Variants in SUGCT observed in about 807,000 individuals in gnomAD.
SUGCT encodes succinyl-CoA:glutarate-CoA transferase, also known as succinyl-CoA:glutarate CoA-transferase.
Under a neutral mutation model 55.0 loss-of-function variants are expected in SUGCT, and 41 were observed. The ratio of observed to expected loss-of-function variants is 0.74; its 90% CI spans 0.58 to 0.97. SUGCT has a LOEUF of 0.97. SUGCT is among the 50% of genes least tolerant of loss of function. The pLI is 0.00. For missense variants in SUGCT, 568 were observed against 547.8 expected (o/e 1.04, Z -0.37); for synonymous variants, 187 against 200.4 (o/e 0.93, Z 0.56).
intron 1 of SUGCT, among the ~76,000 whole-genome samples, chr7:40,156,610 T>C (rs1428556542): frequency 3.3e-5 from 5 of 152,100 alleles, no homozygotes; most frequent in African/African-American, 1.2e-4. Flanking sequence ...CTCCTACCCC[T>C]TCACCACCTC....
intron 12 of SUGCT, among the ~76,000 whole-genome samples, chr7:40,509,011 G>C (rs180975121): frequency 6.6e-6 from 1 of 151,880 alleles, no homozygotes; most frequent in African/African-American, 2.4e-5. Flanking sequence ...AAGTGTGGAC[G>C]TTTTACAGTA....
chr7:40,943,072 A>G, the SUGCT span, among the ~76,000 whole-genome samples: 1 of 151,870 alleles, frequency 6.6e-6, no homozygotes, highest in South Asian at 2.1e-4. Context: ...CAAAGATGTC[A>G]TCTTGGTCTG....
In SUGCT at chr7:40,459,190, A is replaced by G. The variant is rs1419814826; in HGVS notation, c.978A>G (p.Leu326=). Residue 326 remains leucine (L), a synonymous_variant, in exon 11 of 14, where the codon TTA becomes TTG. Transcript: ENST00000335693. ...ATAGAAAAGAGCTTATTAAAATATT[A>G]TCTGAACGGTAAGTTTGGATGTTGT... ...VHNRKELIKI[L]SERFEEELTS... is the part of the protein sequence containing the mutation. The G allele has an allele frequency of 1.3e-6, 2 of 1,591,320 alleles. No homozygotes were observed. The highest frequency in any genetic ancestry group is 1.7e-6 in the Non-Finnish European group (2 of 1,161,368).
the SUGCT span, among the ~76,000 whole-genome samples, chr7:40,972,930 A>T: frequency 6.6e-6 from 1 of 152,160 alleles, no homozygotes; most frequent in Non-Finnish European, 1.5e-5. Flanking sequence ...TTGCTTTCTC[A>T]CGTATAACTA....
chr7:40,632,028 C>T (rs1490367472), intron 12 of SUGCT, among the ~76,000 whole-genome samples: 1 of 152,198 alleles, frequency 6.6e-6, no homozygotes, highest in East Asian at 1.9e-4. Context: ...TAACTCTTCT[C>T]CTGGAATGCT....
the SUGCT span, among the ~76,000 whole-genome samples, chr7:41,017,579 G>T: frequency 7.2e-5 from 11 of 152,080 alleles, no homozygotes; most frequent in African/African-American, 2.7e-4. Flanking sequence ...GACCATCCTG[G>T]CTAACACAAT....
rs183395882 is a variant in SUGCT at position 40,824,382 on chromosome 7, A to G, written c.1154-35934A>G. The stretch of plus-strand genomic sequence containing the variant: ...GGTATGTGTGTGTGTTGGGGAGGCA[A>G]GAACAGAGGGAGGAGGGGAAAAACA... On this transcript the variant is annotated intron_variant, in intron 13 of 13. Coordinates refer to ENST00000335693, the MANE Select transcript of SUGCT (RefSeq NM_001193313.2). 3.8e-4 allele frequency among the ~76,000 whole-genome samples: 58 copies of G among 152,106 alleles called. No homozygotes were observed. The East Asian group carries it at 0.011, about 28-fold the overall frequency.
chr7:40,284,765 A>C (rs1338653125), intron 8 of SUGCT, among the ~76,000 whole-genome samples: 1 of 152,190 alleles, frequency 6.6e-6, no homozygotes, highest in Non-Finnish European at 1.5e-5. Flanking sequence ...ATTGGGAAAA[A>C]AAAGGATCTG....
At chr7:40,367,269 G>T (rs1784037122) in intron 9 of SUGCT, among the ~76,000 whole-genome samples, 1 of 129,440 alleles carries the variant, frequency 7.7e-6, no homozygotes, top group African/African-American at 2.9e-5. Flanking sequence ...CTGTTGTGGG[G>T]TGGGGGGAGG....
At chr7:40,300,549 T>C (rs4723945) in intron 8 of SUGCT, among the ~76,000 whole-genome samples, 151,517 of 152,328 alleles carry the variant, frequency 0.99, 75,357 homozygotes, top group East Asian at 1. Flanking sequence ...ACATATAAAA[T>C]ATAGTTGTGG....
chr7:40,538,633 G>C (rs1794503695), intron 12 of SUGCT: 1 of 152,208 alleles, frequency 6.6e-6, no homozygotes, highest in South Asian at 2.1e-4. Flanking sequence ...GGTATATTTA[G>C]CTTTGTAGGT....
intron 9 of SUGCT, among the ~76,000 whole-genome samples, chr7:40,384,149 GT>G (rs1785003143): frequency 6.6e-6 from 1 of 152,152 alleles, no homozygotes; most frequent in Admixed American, 6.6e-5. Flanking sequence ...TAGATAAGGG[GT>G]AGCCCTTAAT....
chr7:40,974,653 C>A, the SUGCT span, among the ~76,000 whole-genome samples: 5 of 152,136 alleles, frequency 3.3e-5, no homozygotes, highest in Non-Finnish European at 5.9e-5. Flanking sequence ...CCAGAAACAG[C>A]CACCTAGGAC....
At chr7:40,459,307 T>G (rs1196230100) in intron 11 of SUGCT, 109 bp downstream of exon 11, 2 of 716,608 alleles carry the variant, frequency 2.8e-6, no homozygotes, top group Non-Finnish European at 4.4e-6. Flanking sequence ...TTTGTAATTC[T>G]CTTCCATTTT....
chr7:40,754,625 T>C (rs1367321522), intron 13 of SUGCT, among the ~76,000 whole-genome samples: 1 of 152,294 alleles, frequency 6.6e-6, no homozygotes, highest in African/African-American at 2.4e-5. Context: ...AGCTCAAGGC[T>C]CTGGGTGCAC....
chr7:40,517,078 T>C (rs1793276938), intron 12 of SUGCT, among the ~76,000 whole-genome samples: 1 of 152,046 alleles, frequency 6.6e-6, no homozygotes, highest in Non-Finnish European at 1.5e-5. Context: ...TAATTTTTTC[T>C]TTTTGATACT....
chr7:40,150,699 A>AAAACG (rs1056189011), intron 1 of SUGCT, among the ~76,000 whole-genome samples: 6 of 152,012 alleles, frequency 3.9e-5, no homozygotes, highest in African/African-American at 1.5e-4. Context: ...AAAACAAAAC[A>AAAACG]AACTCTGCTC....
chr7:40,562,719 T>G (rs1795907645), intron 12 of SUGCT, among the ~76,000 whole-genome samples: 1 of 152,068 alleles, frequency 6.6e-6, no homozygotes, highest in Admixed American at 6.5e-5. Flanking sequence ...TGTTTAGGTC[T>G]GAGAGATAGG....
At chr7:40,243,113 C>G (rs941946056) in intron 7 of SUGCT, among the ~76,000 whole-genome samples, 1 of 149,754 alleles carries the variant, frequency 6.7e-6, no homozygotes, top group Admixed American at 6.7e-5. Flanking sequence ...ATCTCTCTCT[C>G]TCTCTATCAT....
Sources: gnomAD v4.1 joint callset for allele counts (sites outside exome capture counted in the v4.1 genomes callset) on GRCh38, gnomAD v4.1.1 for gene constraint, MANE v1.5 for transcripts, NCBI Gene and HGNC (gene_info 2026-07-23, HGNC 2026-07-21) for gene names.